The following ITGB3 variants were observed in gnomAD, a reference collection of about 807,000 sequenced individuals.
ITGB3 encodes the protein integrin beta-3.
ITGB3 carries 48 observed loss-of-function variants against 85.8 expected under a neutral mutation model. The ratio of observed to expected loss-of-function variants is 0.56; its 90% CI spans 0.44 to 0.71. ITGB3 has a LOEUF of 0.71. ITGB3 is among the 30% of genes least tolerant of loss of function. The pLI is 0.00. For missense variants in ITGB3, 861 were observed against 1,019.1 expected (o/e 0.84, Z 2.11); for synonymous variants, 363 against 395.6 (o/e 0.92, Z 0.98).
chr17:47,287,959 T>A (rs2143101388), intron 6 of ITGB3, among the ~76,000 whole-genome samples: 1 of 144,828 alleles, frequency 6.9e-6, no homozygotes, highest in African/African-American at 2.6e-5. Flanking sequence ...AGAGTCTTGC[T>A]TTGTTGCCCA....
rs1411849325 is a variant in ITGB3, at chr17:47,305,623, G to A, written c.2135-1848G>A. 2.0e-5 allele frequency: 3 copies of A among 152,180 alleles called. No homozygotes were observed. In the East Asian group the frequency reaches 5.8e-4, roughly 29 times the overall value. 9.4% of individuals were successfully genotyped at this position (152,180 alleles called of 1,614,324 possible). ...GTTGTTGACTGGGGTTGAACAGGAA[G>A]GCAGCTTTCAATAGGGTTATGATTT... On this transcript the variant is annotated intron_variant, in intron 13 of 14. Transcript: ENST00000559488.
At chr17:47,291,202 C>T in intron 9 of ITGB3, 114 bp downstream of exon 9, 1 of 1,206,684 alleles carries the variant, frequency 8.3e-7, no homozygotes, top group Non-Finnish European at 1.2e-6. Context: ...AAAATATGGG[C>T]AAGAAAAATA....
chr17:47,265,469 G>T (rs773843324), intron 1 of ITGB3, among the ~76,000 whole-genome samples: 2 of 152,150 alleles, frequency 1.3e-5, no homozygotes, highest in East Asian at 1.9e-4. Context: ...AATCCTTGGT[G>T]TTCCTTAGTT....
chr17:47,303,387 A>G (rs2065174786), intron 13 of ITGB3: 1 of 157,020 alleles, frequency 6.4e-6, no homozygotes, highest in Non-Finnish European at 1.4e-5. Context: ...ATCAGAAAGC[A>G]GGTAAGGAGA....
intron 13 of ITGB3, among the ~76,000 whole-genome samples, chr17:47,306,280 CTT>C (rs139128868): frequency 0.084 from 12,782 of 152,252 alleles, 730 homozygotes; most frequent in Middle Eastern, 0.15. Context: ...GTATTTCTCT[CTT>C]TCTTTCTTTT....
chr17:47,302,405 A>T (rs2065170464), intron 12 of ITGB3, among the ~76,000 whole-genome samples: 2 of 152,194 alleles, frequency 1.3e-5, no homozygotes, highest in Non-Finnish European at 2.9e-5. Flanking sequence ...GAGGTCAGGT[A>T]ACTTACCCAA....
chr17:47,288,192 C>T (rs2065110511), intron 6 of ITGB3, among the ~76,000 whole-genome samples: 1 of 147,160 alleles, frequency 6.8e-6, no homozygotes, highest in Non-Finnish European at 1.5e-5. Context: ...CTAGTGGAGA[C>T]CCCTTCTCTT....
chr17:47,286,681 A>G (rs974795536), intron 5 of ITGB3, among the ~76,000 whole-genome samples: 1 of 152,196 alleles, frequency 6.6e-6, no homozygotes, highest in African/African-American at 2.4e-5. Context: ...GAGTTACTTC[A>G]GAGTTAAGGC....
chr17:47,297,224 G>A (rs1004975727), intron 10 of ITGB3, among the ~76,000 whole-genome samples: 3 of 152,170 alleles, frequency 2.0e-5, no homozygotes, highest in Admixed American at 6.5e-5. Context: ...CTAAGCACTT[G>A]GGATCTGAAG....
In ITGB3 at chr17:47,311,592, C is replaced by T. The variant is rs114527845; in HGVS notation, c.*1388C>T. 2.3e-4 allele frequency: 35 copies of T among 152,366 alleles called. No individual in the cohort carries two copies. The highest frequency in any genetic ancestry group is 8.4e-4 in the African/African-American group (35 of 41,568). 9.4% of individuals were successfully genotyped at this position (152,366 alleles called of 1,614,324 possible). A position where few individuals can be genotyped will look rare whatever the true frequency, so the allele number is the denominator to read the frequency against. Reference sequence around the variant, plus strand: ...ACAGACACTCCCACTTGGCATCATTCACAGCAAGTCACTGGCCAGTGGCTG... The same window carrying T: ...ACAGACACTCCCACTTGGCATCATTTACAGCAAGTCACTGGCCAGTGGCTG... On this transcript the variant is annotated 3_prime_UTR_variant, in exon 15 of 15. Transcript: ENST00000559488.
intron 11 of ITGB3, among the ~76,000 whole-genome samples, chr17:47,300,056 T>C (rs1337185041): frequency 6.6e-6 from 1 of 152,238 alleles, no homozygotes; most frequent in Non-Finnish European, 1.5e-5. Flanking sequence ...CTTGTTTTAA[T>C]GCTCTGCCAT....
chr17:47,263,647 GC>G (rs1391226043), intron 1 of ITGB3, among the ~76,000 whole-genome samples: 2 of 152,074 alleles, frequency 1.3e-5, no homozygotes, highest in Admixed American at 6.5e-5. Flanking sequence ...GTGCCACCAT[GC>G]CCAGCTAATT....
chr17:47,258,216 C>T (rs1193162856), intron 1 of ITGB3, among the ~76,000 whole-genome samples: 3 of 152,210 alleles, frequency 2.0e-5, no homozygotes, highest in Non-Finnish European at 4.4e-5. Flanking sequence ...CTCCCTCTTC[C>T]TGAACCTTGG....
intron 4 of ITGB3, among the ~76,000 whole-genome samples, chr17:47,285,280 G>A (rs2065098544): frequency 1.3e-5 from 2 of 152,158 alleles, no homozygotes; most frequent in African/African-American, 4.8e-5. Flanking sequence ...TACAATGCTG[G>A]TTGCTGAGCC....
intron 1 of ITGB3, among the ~76,000 whole-genome samples, chr17:47,272,151 G>A (rs900658263): frequency 1.6e-4 from 24 of 149,704 alleles, no homozygotes; most frequent in African/African-American, 5.2e-4. Flanking sequence ...CGCCTCCTGA[G>A]TTCATGCCAT....
chr17:47,257,756 TC>T (rs1330886056), intron 1 of ITGB3, among the ~76,000 whole-genome samples: 2 of 152,202 alleles, frequency 1.3e-5, no homozygotes, highest in Non-Finnish European at 2.9e-5. Flanking sequence ...ACTCAAGGGA[TC>T]CTCTGTAAAG....
intron 10 of ITGB3, among the ~76,000 whole-genome samples, chr17:47,297,482 C>G (rs2065150091): frequency 6.6e-6 from 1 of 151,920 alleles, no homozygotes; most frequent in Admixed American, 6.6e-5. Context: ...ATGGTGAGAC[C>G]CCATCTCTAC....
At chr17:47,274,564 C>A in intron 2 of ITGB3, 60 bp downstream of exon 2, 1 of 1,444,904 alleles carries the variant, frequency 6.9e-7, no homozygotes, top group Non-Finnish European at 9.7e-7. Context: ...TGTGCAGAAA[C>A]AGACCCATGA....
chr17:47,267,949 T>C lies in ITGB3; in HGVS notation c.80-6470T>C, dbSNP rs182716279. ...GGAAAGAGGTTTAATTGACTCACAG[T>C]TCAACATGGCTTGGGAGGCCTCAGG... On this transcript the variant is annotated intron_variant, in intron 1 of 14. Transcript: ENST00000559488. Among the ~76,000 whole-genome samples, 112 of 152,314 alleles carry C rather than the reference T, an allele frequency of 7.4e-4. No homozygotes were observed. The Middle Eastern group carries it at 0.027, about 37-fold the overall frequency.
Sources: gnomAD v4.1 joint callset for allele counts (sites outside exome capture counted in the v4.1 genomes callset) on GRCh38, gnomAD v4.1.1 for gene constraint, MANE v1.5 for transcripts, NCBI Gene and HGNC (gene_info 2026-07-23, HGNC 2026-07-21) for gene names.